Variants in FSTL4 observed in about 807,000 individuals in gnomAD.
FSTL4 encodes the protein follistatin-related protein 4.
Under a neutral mutation model 78.2 loss-of-function variants are expected in FSTL4, and 28 were observed. That is an observed-to-expected ratio of 0.36 (90% CI 0.27 to 0.49). The LOEUF (loss-of-function observed/expected upper bound fraction) is 0.49. Ranked by LOEUF, FSTL4 falls within the 20% of genes least tolerant of loss-of-function variation. The pLI is 0.98. For missense variants in FSTL4, 922 were observed against 1,084.9 expected, an observed-to-expected ratio of 0.85 and a Z score of 2.11; for synonymous variants, 422 against 440.5, an observed-to-expected ratio of 0.96 and a Z score of 0.53.
At chr5:133,740,916 G>C in the FSTL4 span, among the ~76,000 whole-genome samples, 3 of 151,834 alleles carry the variant, frequency 2.0e-5, no homozygotes, top group African/African-American at 7.3e-5. Context: ...TTTTATGGGA[G>C]AGTTTGAAGT....
chr5:133,619,617 T>C, the FSTL4 span, among the ~76,000 whole-genome samples: 3 of 152,278 alleles, frequency 2.0e-5, no homozygotes, highest in African/African-American at 4.8e-5. Flanking sequence ...TCCAACCCAG[T>C]GCTGAGACAT....
chr5:133,499,599 G>A (rs1020897201), intron 3 of FSTL4, among the ~76,000 whole-genome samples: 2 of 152,100 alleles, frequency 1.3e-5, no homozygotes, highest in Non-Finnish European at 2.9e-5. Context: ...TCATAACAGT[G>A]ACAACTCATA....
At chr5:133,750,326 G>A in the FSTL4 span, among the ~76,000 whole-genome samples, 1 of 152,214 alleles carries the variant, frequency 6.6e-6, no homozygotes, top group African/African-American at 2.4e-5. Context: ...AAAGCAAAAT[G>A]TTGGCAGAAG....
chr5:133,672,383 C>A, the FSTL4 span, among the ~76,000 whole-genome samples: 18 of 152,196 alleles, frequency 1.2e-4, 1 homozygote, highest in Non-Finnish European at 2.6e-4. Context: ...AGTGAAAAAA[C>A]CCATTTTTGG....
At chr5:133,456,622 T>G (rs1027471494) in intron 3 of FSTL4, among the ~76,000 whole-genome samples, 45 of 152,210 alleles carry the variant, frequency 3.0e-4, no homozygotes, top group African/African-American at 8.0e-4. Context: ...TATGAAGCTT[T>G]CTTTCTTTCC....
the FSTL4 span, among the ~76,000 whole-genome samples, chr5:133,808,087 C>T: frequency 7.5e-4 from 115 of 152,326 alleles, no homozygotes; most frequent in African/African-American, 2.0e-3. Flanking sequence ...GAGAACTTCA[C>T]GTTTCTAAGG....
At chr5:133,337,517 C>G (rs1421872950) in intron 4 of FSTL4, among the ~76,000 whole-genome samples, 1 of 152,016 alleles carries the variant, frequency 6.6e-6, no homozygotes, top group South Asian at 2.1e-4. Context: ...AGCAAAGCGC[C>G]GTGATTATAG....
intron 7 of FSTL4, among the ~76,000 whole-genome samples, chr5:133,242,214 G>A (rs749299416): frequency 2.0e-5 from 3 of 152,220 alleles, no homozygotes; most frequent in Non-Finnish European, 4.4e-5. Context: ...GGGGAGTCCA[G>A]GAAGAGCAGT....
At chr5:133,420,601 C>T (rs770424064) in intron 3 of FSTL4, among the ~76,000 whole-genome samples, 1 of 152,140 alleles carries the variant, frequency 6.6e-6, no homozygotes, top group Admixed American at 6.5e-5. Context: ...TGTGCAAATT[C>T]CCTGACCTCA....
the FSTL4 span, among the ~76,000 whole-genome samples, chr5:133,825,029 A>G: frequency 1.3e-5 from 2 of 152,194 alleles, no homozygotes; most frequent in Non-Finnish European, 2.9e-5. Flanking sequence ...ACCACAGGGC[A>G]AGAGTCCGTG....
rs75487032 is a variant in FSTL4, at chr5:133,463,177, C to T, written c.161-62191G>A. Among the ~76,000 whole-genome samples the T allele has an allele frequency of 6.7e-3, 1,015 of 152,330 alleles. 8 individuals are homozygous for T. The highest frequency in any genetic ancestry group is 0.023 in the African/African-American group (966 of 41,564). On this transcript the variant is annotated intron_variant, in intron 3 of 15. Coordinates refer to ENST00000265342, the MANE Select transcript of FSTL4 (RefSeq NM_015082.2). ...CAGACACTCCCTGTCCTATGAGTAC[C>T]TGGTGACAGAGATTTGAACAAATTT...
chr5:133,841,894 G>A, the FSTL4 span, among the ~76,000 whole-genome samples: 1 of 152,330 alleles, frequency 6.6e-6, no homozygotes, highest in Non-Finnish European at 1.5e-5. Flanking sequence ...CAGAAAAAGG[G>A]CTAAGCAGGG....
At chr5:133,201,485 A>G (rs1750317989) in intron 15 of FSTL4, among the ~76,000 whole-genome samples, 1 of 152,218 alleles carries the variant, frequency 6.6e-6, no homozygotes, top group Admixed American at 6.5e-5. Context: ...ACTTGGCTTT[A>G]CATTTAGTCT....
At chr5:133,377,616 T>C (rs1476644050) in intron 4 of FSTL4, among the ~76,000 whole-genome samples, 1 of 146,138 alleles carries the variant, frequency 6.8e-6, no homozygotes, top group Non-Finnish European at 1.5e-5. Flanking sequence ...GGGAAGAAAA[T>C]GAACCAAAAA....
At chr5:133,319,906 G>A (rs1754004097) in intron 4 of FSTL4, among the ~76,000 whole-genome samples, 1 of 152,182 alleles carries the variant, frequency 6.6e-6, no homozygotes, top group African/African-American at 2.4e-5. Flanking sequence ...GAGCTCCTCT[G>A]GTGCCCGACA....
At chr5:133,621,115 A>G in the FSTL4 span, among the ~76,000 whole-genome samples, 3 of 152,148 alleles carry the variant, frequency 2.0e-5, no homozygotes, top group African/African-American at 4.8e-5. Context: ...AATTAAGAGC[A>G]TTTGGCCGGG....
At chr5:133,756,854 A>C in the FSTL4 span, among the ~76,000 whole-genome samples, 1 of 152,146 alleles carries the variant, frequency 6.6e-6, no homozygotes. Flanking sequence ...GTCCTCTGGC[A>C]TGGATAATGC....
chr5:133,199,146 C>A lies in FSTL4; in HGVS notation c.2478G>T (p.Glu826Asp). The change falls in exon 16 of 16, where the codon GAG (glutamate) becomes GAT (aspartate). Residue 826 changes from glutamate to aspartate, a missense_variant. Coordinates refer to ENST00000265342, the MANE Select transcript of FSTL4 (RefSeq NM_015082.2). This position sits in a 1 kb window ranked among gnomAD's most constrained non-coding sequence, Gnocchi z 4.4. ...TGGTCCCCCCCTTTATACCTGACAC[C>A]TCACACCGCAGCGTGTTTTGTCTCC... ...INGRQNTLRC[E>D]VSGIKGGTTV... 6.3e-7 allele frequency: 1 copy of A among 1,594,566 alleles called. No individual in the cohort carries two copies.
chr5:133,378,314 T>C (rs1180522278), intron 4 of FSTL4, among the ~76,000 whole-genome samples: 1 of 152,230 alleles, frequency 6.6e-6, no homozygotes, highest in African/African-American at 2.4e-5. Context: ...TGTTTATAAC[T>C]GTACAATTGT....
Sources: gnomAD v4.1 joint callset for allele counts (sites outside exome capture counted in the v4.1 genomes callset) on GRCh38, gnomAD v4.1.1 for gene constraint, Gnocchi (gnomAD v3.1) non-coding constraint, MANE v1.5 for transcripts, NCBI Gene and HGNC (gene_info 2026-07-23, HGNC 2026-07-21) for gene names.